ERBB4: variants seen among roughly 807,000 people sequenced by gnomAD.
ERBB4 encodes the protein erb-b2 receptor tyrosine kinase 4.
ERBB4 carries 42 observed loss-of-function variants against 158.0 expected under a neutral mutation model. That is an observed-to-expected ratio of 0.27 (90% CI 0.21 to 0.34). The LOEUF (loss-of-function observed/expected upper bound fraction) is 0.34. ERBB4 is among the 10% of genes least tolerant of loss of function. The pLI is 1.00. For synonymous variants in ERBB4, 583 were observed against 558.7 expected (o/e 1.04, Z -0.61); for missense variants, 1,333 against 1,624.1 (o/e 0.82, Z 3.08).
intron 19 of ERBB4, among the ~76,000 whole-genome samples, chr2:211,591,842 G>A (rs2068476769): frequency 6.6e-6 from 1 of 152,176 alleles, no homozygotes; most frequent in African/African-American, 2.4e-5. Flanking sequence ...ACTTTAGCTA[G>A]TAAATGATTT....
At chr2:211,833,970 A>G (rs2077281168) in intron 3 of ERBB4, among the ~76,000 whole-genome samples, 1 of 152,102 alleles carries the variant, frequency 6.6e-6, no homozygotes, top group Non-Finnish European at 1.5e-5. Context: ...CTAGGTGCAT[A>G]TTCAGAGCAT....
chr2:212,219,486 C>T (rs1477520960), intron 1 of ERBB4, among the ~76,000 whole-genome samples: 1 of 151,354 alleles, frequency 6.6e-6, no homozygotes, highest in Non-Finnish European at 1.5e-5. Context: ...ATTCCCTCCA[C>T]TTGTGATTGA....
chr2:211,773,619 T>TATATA (rs2075779167), intron 4 of ERBB4, among the ~76,000 whole-genome samples: 1 of 58,052 alleles, frequency 1.7e-5, no homozygotes, highest in Non-Finnish European at 3.5e-5. Flanking sequence ...TATATATATA[T>TATATA]ATATATATAT....
At chr2:212,463,179 G>T (rs1189233746) in intron 1 of ERBB4, among the ~76,000 whole-genome samples, 1 of 152,050 alleles carries the variant, frequency 6.6e-6, no homozygotes, top group African/African-American at 2.4e-5. Flanking sequence ...ATAAGTTCTA[G>T]TGTTATATAG....
At chr2:211,593,935 C>A (rs958409694) in intron 19 of ERBB4, among the ~76,000 whole-genome samples, 11 of 152,266 alleles carry the variant, frequency 7.2e-5, no homozygotes, top group Admixed American at 3.3e-4. Flanking sequence ...GTCGTTCCAG[C>A]ACCACAGCTA....
At chr2:211,702,629 T>G (rs2073293804) in intron 11 of ERBB4, among the ~76,000 whole-genome samples, 1 of 152,170 alleles carries the variant, frequency 6.6e-6, no homozygotes, top group African/African-American at 2.4e-5. Flanking sequence ...GGTATTTAGC[T>G]TTAATTTATA....
intron 3 of ERBB4, among the ~76,000 whole-genome samples, chr2:211,811,887 T>C (rs545166056): frequency 7.1e-6 from 1 of 140,542 alleles, no homozygotes; most frequent in African/African-American, 2.8e-5. Flanking sequence ...GGGTCTTCTC[T>C]ACACTGTTTA....
rs542510159 is a variant in ERBB4, at chr2:212,373,820, T to C, written c.82+164629A>G. Reference sequence around the variant, plus strand: ...ATATCCATATATATATCCATGTATATATCCATATATATATATATCCATGTA... The same window carrying C: ...ATATCCATATATATATCCATGTATACATCCATATATATATATATCCATGTA... On this transcript the variant is annotated intron_variant, in intron 1 of 27. Coordinates refer to ENST00000342788, the MANE Select transcript of ERBB4 (RefSeq NM_005235.3). 6.8e-4 allele frequency among the ~76,000 whole-genome samples: 68 copies of C among 99,466 alleles called. 4 individuals are homozygous for C. The South Asian group carries it at 0.021, about 30-fold the overall frequency. 65.3% of individuals were successfully genotyped at this position (99,466 alleles called of 152,430 possible).
intron 1 of ERBB4, among the ~76,000 whole-genome samples, chr2:212,501,589 T>C (rs1354378689): frequency 6.6e-6 from 1 of 152,144 alleles, no homozygotes; most frequent in Admixed American, 6.5e-5. Flanking sequence ...AACACAAATA[T>C]TTGTAATAAG....
At chr2:212,225,111 C>A (rs114605131) in intron 1 of ERBB4, among the ~76,000 whole-genome samples, 4,005 of 150,364 alleles carry the variant, frequency 0.027, 171 homozygotes, top group African/African-American at 0.092. Flanking sequence ...GTTTTTATGT[C>A]CCCTTTTTCC....
At chr2:212,439,970 G>A (rs1417345897) in intron 1 of ERBB4, among the ~76,000 whole-genome samples, 2 of 152,142 alleles carry the variant, frequency 1.3e-5, no homozygotes, top group Non-Finnish European at 2.9e-5. Flanking sequence ...TCAACTATCG[G>A]AATTTGGTGC....
chr2:212,456,765 AAAC>A (rs1211150965), intron 1 of ERBB4, among the ~76,000 whole-genome samples: 5 of 152,002 alleles, frequency 3.3e-5, no homozygotes, highest in Non-Finnish European at 7.4e-5. Context: ...AAATATATAA[AAAC>A]AACATATATC....
chr2:211,746,328 T>G (rs1349337206), intron 5 of ERBB4, among the ~76,000 whole-genome samples: 3 of 152,222 alleles, frequency 2.0e-5, no homozygotes, highest in African/African-American at 7.2e-5. Flanking sequence ...ATTAGGTCCA[T>G]GAATTTGTTG....
intron 3 of ERBB4, among the ~76,000 whole-genome samples, chr2:211,879,508 T>G (rs113920059): frequency 6.6e-6 from 1 of 152,238 alleles, no homozygotes; most frequent in African/African-American, 2.4e-5. Context: ...TATTGCCAGT[T>G]TGGCCAGGGT....
chr2:212,218,640 T>G (rs1001470697), intron 1 of ERBB4, among the ~76,000 whole-genome samples: 2 of 151,390 alleles, frequency 1.3e-5, no homozygotes, highest in African/African-American at 4.8e-5. Flanking sequence ...TCCATTTTAG[T>G]TAAATAAGGA....
At chr2:211,589,901 T>G (rs1263797051) in intron 19 of ERBB4, among the ~76,000 whole-genome samples, 1 of 152,208 alleles carries the variant, frequency 6.6e-6, no homozygotes, top group Admixed American at 6.5e-5. Flanking sequence ...GTTATTAGCA[T>G]GCATTTTAGA....
Position 211,376,545 on chromosome 2 carries a change from C to T in ERBB4, c.*7070G>A, listed in dbSNP as rs933719588. 23 of 232,556 alleles carry T rather than the reference C, an allele frequency of 9.9e-5. No homozygotes were observed. Among genetic ancestry groups the T allele is most frequent in the African/African-American group, 4.2e-4 (19 of 45,276 alleles). 14.4% of individuals were successfully genotyped at this position (232,556 alleles called of 1,614,324 possible). On this transcript the variant is annotated 3_prime_UTR_variant, in exon 28 of 28. Coordinates refer to ENST00000342788, the MANE Select transcript of ERBB4 (RefSeq NM_005235.3). Reference sequence around the variant, plus strand: ...TTTGCACCCCAATCCTTTGAAGATACTTCACAAGAGAGAGGGCTTGTTTTC... The same window carrying T: ...TTTGCACCCCAATCCTTTGAAGATATTTCACAAGAGAGAGGGCTTGTTTTC...
intron 19 of ERBB4, among the ~76,000 whole-genome samples, chr2:211,613,438 ATGTGAGGCTCCT>A (rs567048398): frequency 0.031 from 4,716 of 152,018 alleles, 229 homozygotes; most frequent in African/African-American, 0.11. Flanking sequence ...GTAATTTCAA[ATGTGAGGCTCCT>A]GCTGATTGCT....
At chr2:212,038,016 T>C (rs1185805446) in intron 2 of ERBB4, among the ~76,000 whole-genome samples, 1 of 152,158 alleles carries the variant, frequency 6.6e-6, no homozygotes, top group Admixed American at 6.6e-5. Flanking sequence ...TAATCATGTA[T>C]TTATTTAAAG....
Sources: allele counts gnomAD v4.1 joint callset (sites outside exome capture counted in the v4.1 genomes callset), GRCh38; gene constraint gnomAD v4.1.1; transcripts MANE v1.5; gene names NCBI Gene and HGNC (gene_info 2026-07-23, HGNC 2026-07-21).